Variants in ZC3H12B observed in about 807,000 individuals in gnomAD.
ZC3H12B encodes the protein probable ribonuclease ZC3H12B.
A neutral mutation model predicts 43.9 loss-of-function variants in ZC3H12B; 7 were observed. The observed-to-expected ratio is 0.16, with a 90% CI of 0.09 to 0.30. The LOEUF (loss-of-function observed/expected upper bound fraction) is 0.30. ZC3H12B is among the 10% of genes least tolerant of loss of function. The pLI is 1.00. For synonymous variants in ZC3H12B, 222 were observed against 241.7 expected (o/e 0.92, Z 0.76); for missense variants, 475 against 670.2 (o/e 0.71, Z 3.22).
the ZC3H12B span, among the ~76,000 whole-genome samples, chrX:65,263,860 CAT>C: frequency 2.7e-5 from 3 of 111,259 alleles, no homozygotes; most frequent in Non-Finnish European, 5.7e-5. Flanking sequence ...CACCTGCACA[CAT>C]ATGTTTATCA....
At chrX:65,159,313 T>G in the ZC3H12B span, among the ~76,000 whole-genome samples, 16 of 111,860 alleles carry the variant, frequency 1.4e-4, no homozygotes, top group Non-Finnish European at 5.6e-5. Flanking sequence ...AGAAAGTCAT[T>G]GGTAGCTTGA....
chrX:65,047,804 GT>G, the ZC3H12B span, among the ~76,000 whole-genome samples: 16 of 105,102 alleles, frequency 1.5e-4, no homozygotes, highest in South Asian at 6.7e-3. Context: ...GTTGGGCTAA[GT>G]TTTTTTTTTA....
rs532239319 is a variant in ZC3H12B at position 65,473,460 on chromosome X, G to A, written n.408-15186G>A. 2.7e-5 allele frequency among the ~76,000 whole-genome samples: 3 copies of A among 112,242 alleles called. No homozygotes were observed. In the Admixed American group the frequency reaches 2.8e-4, roughly 11 times the overall value. On this transcript the variant is annotated intron_variant and non_coding_transcript_variant, in intron 3 of 5. Transcript: ENST00000617377. ...TCTGTAAAGAATGTCAATGGATTTT[G>A]ATAGAGATTACGTTTACTCTATAGC...
intron 3 of ZC3H12B, among the ~76,000 whole-genome samples, chrX:65,456,617 T>G (rs1376517889): frequency 2.8e-5 from 3 of 107,349 alleles, no homozygotes; most frequent in African/African-American, 6.8e-5. Context: ...TTTCGTTTTT[T>G]TTTTTTGGTG....
At chrX:65,453,909 T>C (rs1453775913) in intron 3 of ZC3H12B, among the ~76,000 whole-genome samples, 1 of 111,459 alleles carries the variant, frequency 9.0e-6, no homozygotes, top group African/African-American at 3.3e-5. Context: ...CTTTGGGGAC[T>C]TGGAGGAAAG....
the ZC3H12B span, among the ~76,000 whole-genome samples, chrX:65,273,657 CAA>C: frequency 9.0e-6 from 1 of 111,624 alleles, no homozygotes; most frequent in Non-Finnish European, 1.9e-5. Context: ...ACATTATAAT[CAA>C]ATTGTCAAGT....
chrX:65,408,416 A>G, intron 3 of ZC3H12B: 1 of 1,209,003 alleles, frequency 8.3e-7, no homozygotes, highest in Non-Finnish European at 1.1e-6. Flanking sequence ...CGAACGTGCC[A>G]AACAGGTGAC....
At chrX:65,088,977 G>T in the ZC3H12B span, among the ~76,000 whole-genome samples, 67 of 111,391 alleles carry the variant, frequency 6.0e-4, no homozygotes, top group African/African-American at 2.1e-3. Context: ...AATTAAATTA[G>T]CTAATATAAC....
At chrX:65,099,416 A>C in the ZC3H12B span, among the ~76,000 whole-genome samples, 1 of 111,424 alleles carries the variant, frequency 9.0e-6, no homozygotes, top group African/African-American at 3.3e-5. Flanking sequence ...GTCCCTGACC[A>C]CCGTACCTCC....
chrX:65,334,959 C>T, the ZC3H12B span, among the ~76,000 whole-genome samples: 13,755 of 111,354 alleles, frequency 0.12, 2,046 homozygotes, highest in African/African-American at 0.42. Flanking sequence ...GGGACACTTC[C>T]GTATCTTCCA....
the ZC3H12B span, among the ~76,000 whole-genome samples, chrX:65,123,692 G>C: frequency 1.1e-4 from 11 of 101,128 alleles, no homozygotes; most frequent in Middle Eastern, 0.011. Flanking sequence ...GTCCTTTCAT[G>C]TTCTTGGGTA....
At chrX:65,205,472 C>G in the ZC3H12B span, among the ~76,000 whole-genome samples, 2 of 111,717 alleles carry the variant, frequency 1.8e-5, no homozygotes, top group South Asian at 7.4e-4. Flanking sequence ...TTGACAAAAT[C>G]CAGTATCCTT....
chrX:65,229,946 A>G, the ZC3H12B span, among the ~76,000 whole-genome samples: 1 of 111,822 alleles, frequency 8.9e-6, no homozygotes, highest in East Asian at 2.8e-4. Context: ...GGGACAGTAA[A>G]CTAGTTCAAC....
chrX:65,438,431 A>G (rs1219526559), intron 3 of ZC3H12B, among the ~76,000 whole-genome samples: 4 of 111,393 alleles, frequency 3.6e-5, no homozygotes, highest in Non-Finnish European at 7.5e-5. Flanking sequence ...AAGGTCCTTC[A>G]TTTCTTTAAC....
chrX:65,180,100 C>A, the ZC3H12B span, among the ~76,000 whole-genome samples: 1 of 111,835 alleles, frequency 8.9e-6, no homozygotes, highest in Non-Finnish European at 1.9e-5. Flanking sequence ...ATGCCAAAAT[C>A]CTCAATAAAA....
At chrX:65,423,918 A>G (rs960958724) in intron 3 of ZC3H12B, among the ~76,000 whole-genome samples, 2 of 111,582 alleles carry the variant, frequency 1.8e-5, no homozygotes, top group African/African-American at 6.5e-5. Context: ...TGTCATGAAT[A>G]GCTCTTATTA....
At chrX:65,460,734 T>C (rs1226706450) in intron 3 of ZC3H12B, among the ~76,000 whole-genome samples, 1 of 111,917 alleles carries the variant, frequency 8.9e-6, no homozygotes, top group Non-Finnish European at 1.9e-5. Flanking sequence ...ATTTAAATGT[T>C]AGACCTAAAA....
chrX:65,500,024 A>C (rs1393673386), intron 4 of ZC3H12B, 35 bp downstream of exon 9: 1 of 1,027,306 alleles, frequency 9.7e-7, no homozygotes, highest in South Asian at 2.0e-5. Context: ...GTTCTGTACC[A>C]CCGGAAACAT....
intron 3 of ZC3H12B, among the ~76,000 whole-genome samples, chrX:65,401,447 A>G (rs1173532148): frequency 1.8e-5 from 2 of 111,903 alleles, no homozygotes; most frequent in Non-Finnish European, 3.8e-5. Context: ...TCCCTCACAC[A>G]TCACTACTGG....
Sources: gnomAD v4.1 joint callset for allele counts (sites outside exome capture counted in the v4.1 genomes callset) on GRCh38, gnomAD v4.1.1 for gene constraint, MANE v1.5 for transcripts, NCBI Gene and HGNC (gene_info 2026-07-23, HGNC 2026-07-21) for gene names.